Variants in NDFIP1 observed in about 807,000 individuals in gnomAD.
NDFIP1 encodes NEDD4 family-interacting protein 1.
In NDFIP1, 7 loss-of-function variants were observed where a neutral mutation model predicts 28.8. The observed-to-expected ratio is 0.24, with a 90% CI of 0.14 to 0.46. The LOEUF is 0.46. NDFIP1 is among the 20% of genes least tolerant of loss of function. The pLI is 0.99. For synonymous variants in NDFIP1, 92 were observed against 101.0 expected, an observed-to-expected ratio of 0.91 and a Z score of 0.53; for missense variants, 194 against 269.1, an observed-to-expected ratio of 0.72 and a Z score of 1.95.
intron 1 of NDFIP1, among the ~76,000 whole-genome samples, chr5:142,131,115 C>T (rs1481333459): frequency 1.3e-5 from 2 of 151,358 alleles, no homozygotes; most frequent in East Asian, 1.9e-4. Flanking sequence ...CCACCACTCC[C>T]GGGTAATTTT....
intron 7 of NDFIP1, among the ~76,000 whole-genome samples, chr5:142,146,393 C>T (rs1757390239): frequency 6.6e-6 from 1 of 152,146 alleles, no homozygotes; most frequent in Admixed American, 6.6e-5. Flanking sequence ...ATTAGATATT[C>T]TTTGCAGTTT....
At chr5:142,113,019 A>G (rs918380196) in intron 1 of NDFIP1, among the ~76,000 whole-genome samples, 2 of 152,176 alleles carry the variant, frequency 1.3e-5, no homozygotes, top group East Asian at 1.9e-4. Context: ...AGATGTGTGC[A>G]TGAATTTTGC....
At chr5:142,141,604 A>T (rs1757332738) in intron 6 of NDFIP1, among the ~76,000 whole-genome samples, 1 of 152,240 alleles carries the variant, frequency 6.6e-6, no homozygotes, top group South Asian at 2.1e-4. Context: ...GAAAATATAT[A>T]TGATACAGTT....
intron 6 of NDFIP1, chr5:142,144,111 C>T (rs1757364357): frequency 6.5e-6 from 1 of 154,276 alleles, no homozygotes; most frequent in African/African-American, 2.4e-5. Context: ...ACATTATATA[C>T]TGTCGACAGA....
chr5:142,147,755 A>G (rs1757405993), intron 7 of NDFIP1, among the ~76,000 whole-genome samples: 1 of 152,178 alleles, frequency 6.6e-6, no homozygotes, highest in African/African-American at 2.4e-5. Context: ...GGGATAGGGG[A>G]GAGGGAAAAT....
In NDFIP1 at chr5:142,137,025, C is replaced by T. The variant is rs1270474953; in HGVS notation, c.371-709C>T. Among the ~76,000 whole-genome samples, 10 of 130,642 alleles carry T rather than the reference C, an allele frequency of 7.7e-5. No homozygotes were observed. The East Asian group carries it at 2.4e-3, about 31-fold the overall frequency. 85.7% of individuals were successfully genotyped at this position (130,642 alleles called of 152,430 possible). A position where few individuals can be genotyped will look rare whatever the true frequency, so the allele number is the denominator to read the frequency against. ...GGCAGAGATTGCAGTGAGCCAAGGT[C>T]GTGCTACTGCACTCCAGCCTGGGTG... On this transcript the variant is annotated intron_variant, in intron 4 of 7. Coordinates refer to ENST00000253814, the MANE Select transcript of NDFIP1 (RefSeq NM_030571.4).
At chr5:142,127,798 A>C (rs1371484597) in intron 1 of NDFIP1, among the ~76,000 whole-genome samples, 1 of 152,128 alleles carries the variant, frequency 6.6e-6, no homozygotes, top group Non-Finnish European at 1.5e-5. Flanking sequence ...TCTACTAAAA[A>C]TACAAAAATT....
chr5:142,151,504 T>C (rs1757445974), intron 7 of NDFIP1, among the ~76,000 whole-genome samples: 1 of 152,208 alleles, frequency 6.6e-6, no homozygotes, highest in Non-Finnish European at 1.5e-5. Context: ...CAGGAGTTTT[T>C]AGAAAAAGCA....
chr5:142,112,784 CAAA>C (rs377085787), intron 1 of NDFIP1, among the ~76,000 whole-genome samples: 2 of 105,152 alleles, frequency 1.9e-5, no homozygotes, highest in Non-Finnish European at 4.0e-5. Flanking sequence ...AGACTCTGTC[CAAA>C]AAAAAAAAAA....
At chr5:142,140,448 C>CAAAAAA in intron 5 of NDFIP1, 115 bp from the exon 6 acceptor site, 1 of 516,150 alleles carries the variant, frequency 1.9e-6, no homozygotes, top group Admixed American at 5.1e-5. Context: ...AACTCCGTCT[C>CAAAAAA]AAAAAAAAAA....
At chr5:142,142,932 AAAAAAAAAATATATAT>A (rs1483427318) in intron 6 of NDFIP1, 7 of 74,220 alleles carry the variant, frequency 9.4e-5, no homozygotes, top group South Asian at 9.1e-4. Context: ...AAAAAAAAAA[AAAAAAAAAATATATAT>A]ATATATATAT....
chr5:142,132,013 G>C, intron 2 of NDFIP1, 118 bp downstream of exon 2: 1 of 1,144,428 alleles, frequency 8.7e-7, no homozygotes, highest in Non-Finnish European at 1.2e-6. Flanking sequence ...AAGCAAGTCT[G>C]GATTTTAAAT....
At chr5:142,119,282 G>A (rs1435457959) in intron 1 of NDFIP1, among the ~76,000 whole-genome samples, 2 of 152,148 alleles carry the variant, frequency 1.3e-5, no homozygotes, top group Non-Finnish European at 2.9e-5. Flanking sequence ...CTTCAGTTCT[G>A]ATATACATGT....
chr5:142,117,163 C>G (rs1035250371), intron 1 of NDFIP1, among the ~76,000 whole-genome samples: 36 of 152,022 alleles, frequency 2.4e-4, no homozygotes, highest in African/African-American at 8.0e-4. Flanking sequence ...GGAGGTCTAT[C>G]TGGAGACTGG....
chr5:142,112,158 C>T (rs1757020235), intron 1 of NDFIP1, among the ~76,000 whole-genome samples: 1 of 152,040 alleles, frequency 6.6e-6, no homozygotes, highest in Non-Finnish European at 1.5e-5. Context: ...GCAGGCAGAT[C>T]ACAAAGATCA....
At chr5:142,140,344 A>G (rs553112512) in intron 5 of NDFIP1, among the ~76,000 whole-genome samples, 198 of 151,412 alleles carry the variant, frequency 1.3e-3, no homozygotes, top group Non-Finnish European at 2.4e-3. Flanking sequence ...GCTACTCGGG[A>G]GGCTGAGGCA....
chr5:142,153,859 A>G lies in NDFIP1; in HGVS notation c.*2131A>G, dbSNP rs1055169012. On this transcript the variant is annotated 3_prime_UTR_variant, in exon 8 of 8. Transcript: ENST00000253814. ...GTCCTTGCGCCTTATTTGGTTTTGT[A>G]TATTCAACGAACTGAAATATTTGGA... 1 of 153,278 alleles carries G rather than the reference A, an allele frequency of 6.5e-6. No individual in the cohort carries two copies. Among genetic ancestry groups the G allele is most frequent in the Non-Finnish European group, 1.5e-5 (1 of 68,660 alleles). 9.5% of individuals were successfully genotyped at this position (153,278 alleles called of 1,614,324 possible).
At chr5:142,136,338 G>A (rs1467872700) in intron 4 of NDFIP1, among the ~76,000 whole-genome samples, 1 of 152,194 alleles carries the variant, frequency 6.6e-6, no homozygotes, top group Non-Finnish European at 1.5e-5. Context: ...TGTTATATAA[G>A]TTGTCAAAAT....
chr5:142,112,697 G>C (rs1757027399), intron 1 of NDFIP1, among the ~76,000 whole-genome samples: 1 of 149,924 alleles, frequency 6.7e-6, no homozygotes, highest in Non-Finnish European at 1.5e-5. Context: ...GGGAGGCTGA[G>C]GCAGGAGAAA....
Sources: gnomAD v4.1 joint callset for allele counts (sites outside exome capture counted in the v4.1 genomes callset) on GRCh38, gnomAD v4.1.1 for gene constraint, MANE v1.5 for transcripts, NCBI Gene and HGNC (gene_info 2026-07-23, HGNC 2026-07-21) for gene names.